Variants in LMO7 observed in about 807,000 individuals in gnomAD.
The protein encoded by LMO7 is LIM domain 7.
A neutral mutation model predicts 206.5 loss-of-function variants in LMO7; 120 were observed. The ratio of observed to expected loss-of-function variants is 0.58; its 90% CI spans 0.50 to 0.68. LMO7 has a LOEUF of 0.68. LMO7 is among the 30% of genes least tolerant of loss of function. LMO7 has a pLI of 0.00. For synonymous variants in LMO7, 706 were observed against 681.5 expected, an observed-to-expected ratio of 1.04 and a Z score of -0.56; for missense variants, 1,959 against 1,957.9, an observed-to-expected ratio of 1.00 and a Z score of -0.01.
chr13:75,752,751 CA>C (rs1486733395), intron 3 of LMO7, among the ~76,000 whole-genome samples: 2 of 152,148 alleles, frequency 1.3e-5, no homozygotes, highest in East Asian at 3.8e-4. Flanking sequence ...TGTATTAGTG[CA>C]AAAGACATGA....
At chr13:75,834,434 G>GC (rs1341760752) in intron 17 of LMO7, 47 bp downstream of exon 17, 1 of 1,415,326 alleles carries the variant, frequency 7.1e-7, no homozygotes, top group African/African-American at 1.5e-5. Flanking sequence ...CTGGGACCTG[G>GC]CCGTTGGCAA....
chr13:75,705,710 A>G (rs1361656577), intron 1 of LMO7, among the ~76,000 whole-genome samples: 4 of 152,256 alleles, frequency 2.6e-5, no homozygotes, highest in African/African-American at 9.6e-5. Context: ...TAGAACTACT[A>G]AACAGTTCTT....
chr13:75,750,498 T>G lies in LMO7; in HGVS notation c.211-10434T>G, dbSNP rs2047190049. ...TCAAACTCCTGAGCTCAAGCTGTACTCCCACTTCAGCCTCCCAAGTAGCTA... is the reference window on the plus strand; with the variant it reads ...TCAAACTCCTGAGCTCAAGCTGTACGCCCACTTCAGCCTCCCAAGTAGCTA... On this transcript the variant is annotated intron_variant, in intron 3 of 30. Transcript: ENST00000377534. Among the ~76,000 whole-genome samples, 5 of 149,952 alleles carry G rather than the reference T, an allele frequency of 3.3e-5. No homozygotes were observed. The Admixed American group carries it at 3.4e-4, about 10-fold the overall frequency.
chr13:75,804,437 C>G lies in LMO7; in HGVS notation c.810C>G (p.Ser270=). 4 of 1,614,136 alleles carry G rather than the reference C, an allele frequency of 2.5e-6. No individual in the cohort carries two copies. Among genetic ancestry groups the G allele is most frequent in the Non-Finnish European group, 3.4e-6 (4 of 1,180,002 alleles). Residue 270 remains serine, a synonymous_variant, in exon 8 of 31, where the codon TCC becomes TCG. Transcript: ENST00000377534. ...RFLPNKSRQP[S]YVPAPLRKKK... is the part of the protein sequence containing the mutation. ...TACCCAACAAAAGTAGACAGCCATC[C>G]TATGTACCAGCACCTCTGAGAAAGA...
chr13:75,786,357 C>G (rs1566457333), intron 4 of LMO7, among the ~76,000 whole-genome samples: 1 of 151,600 alleles, frequency 6.6e-6, no homozygotes. Context: ...TGGACCACTT[C>G]TCTCTCTACT....
At chr13:75,674,981 G>A (rs1295514046) in intron 1 of LMO7, among the ~76,000 whole-genome samples, 5 of 152,060 alleles carry the variant, frequency 3.3e-5, no homozygotes, top group South Asian at 2.1e-4. Context: ...ATATTGTTTC[G>A]GAGTCAGTTT....
At chr13:75,838,343 C>T in intron 20 of LMO7, 147 bp downstream of exon 20, 1 of 1,519,974 alleles carries the variant, frequency 6.6e-7, no homozygotes, top group Non-Finnish European at 8.8e-7. Flanking sequence ...CATTCTTTCC[C>T]TAGGGTCATC....
intron 4 of LMO7, among the ~76,000 whole-genome samples, chr13:75,775,486 T>C (rs568794566): frequency 5.9e-5 from 9 of 152,136 alleles, no homozygotes; most frequent in Admixed American, 5.2e-4. Context: ...ACTAAAAAGC[T>C]TCTGCAAAGC....
At chr13:75,763,037 A>T (rs180674487) in intron 4 of LMO7, among the ~76,000 whole-genome samples, 3 of 152,202 alleles carry the variant, frequency 2.0e-5, no homozygotes, top group South Asian at 2.1e-4. Flanking sequence ...TTAGCTTTTT[A>T]AAAATATATA....
At chr13:75,719,666 T>C (rs916463089) in intron 2 of LMO7, among the ~76,000 whole-genome samples, 47 of 152,336 alleles carry the variant, frequency 3.1e-4, no homozygotes, top group African/African-American at 1.1e-3. Flanking sequence ...TCTGCCACGA[T>C]TGTAAATTTC....
At chr13:75,855,449 A>T (rs1396930800) in intron 29 of LMO7, 81 bp downstream of exon 29, 52 of 769,206 alleles carry the variant, frequency 6.8e-5, no homozygotes, top group Non-Finnish European at 1.1e-4. Flanking sequence ...CTGGGTGTAG[A>T]TGTGCCACTA....
intron 3 of LMO7, among the ~76,000 whole-genome samples, chr13:75,748,530 C>T (rs1447456400): frequency 2.0e-5 from 3 of 152,094 alleles, no homozygotes; most frequent in Non-Finnish European, 4.4e-5. Context: ...CGTAAGAACT[C>T]AGTAAATATT....
intron 4 of LMO7, among the ~76,000 whole-genome samples, chr13:75,765,258 T>C (rs569865434): frequency 9.9e-5 from 15 of 152,212 alleles, no homozygotes; most frequent in African/African-American, 3.6e-4. Flanking sequence ...ATAAGTAAAA[T>C]ATACCTAGTT....
At position 75,841,501 on chromosome 13, in the gene LMO7, A is replaced by C. The variant is rs528591087; in HGVS notation, c.3676-127A>C. 1.9e-5 allele frequency: 13 copies of C among 684,998 alleles called. No individual in the cohort carries two copies. In the African/African-American group the frequency reaches 2.0e-4, roughly 10 times the overall value. The allele number at this position is 684,998 out of a possible 1,614,324, so 42.4% of individuals were successfully genotyped here. A position where few individuals can be genotyped will look rare whatever the true frequency, so the allele number is the denominator to read the frequency against. ...TTCTTTAGTGGTAAAAACTCTTAAC[A>C]TGTTTTTTGAGTGGAGTCCTGGGCC... On this transcript the variant is annotated intron_variant, in intron 23 of 30. Coordinates refer to ENST00000377534, the MANE Select transcript of LMO7 (RefSeq NM_001306080.2).
intron 1 of LMO7, among the ~76,000 whole-genome samples, chr13:75,648,967 G>A (rs2037303341): frequency 6.6e-6 from 1 of 152,130 alleles, no homozygotes; most frequent in Non-Finnish European, 1.5e-5. Flanking sequence ...AAAAGCATTT[G>A]GGAACTATTA....
At chr13:75,699,376 T>G (rs1487371385) in intron 1 of LMO7, among the ~76,000 whole-genome samples, 3 of 151,582 alleles carry the variant, frequency 2.0e-5, no homozygotes, top group Non-Finnish European at 4.4e-5. Context: ...AATTTCTTTC[T>G]CTTTCTTTAC....
intron 18 of LMO7, 21 bp downstream of exon 18, chr13:75,835,360 G>T (rs1408671986): frequency 1.3e-6 from 2 of 1,522,748 alleles, no homozygotes; most frequent in South Asian, 1.2e-5. Context: ...GGAGAAGTAG[G>T]AAGTACTGGT....
At chr13:75,813,703 A>G (rs927486049) in intron 11 of LMO7, among the ~76,000 whole-genome samples, 1 of 152,236 alleles carries the variant, frequency 6.6e-6, no homozygotes, top group Non-Finnish European at 1.5e-5. Context: ...GGGGGCACCC[A>G]GGAGGAGGAT....
At position 75,636,594 on chromosome 13, in the gene LMO7, C is replaced by T. The variant is rs1593957630; in HGVS notation, c.-64C>T. 1.3e-6 allele frequency: 2 copies of T among 1,542,694 alleles called. No homozygotes were observed. Among genetic ancestry groups the T allele is most frequent in the Non-Finnish European group, 1.7e-6 (2 of 1,146,668 alleles). ...GCCCTCCCCGCCCGTGGGGCCCAGA[C>T]GCGCGGGGACAACCCCTCCCCTCCA... On this transcript the variant is annotated 5_prime_UTR_variant, in exon 1 of 31. In the 5' UTR this introduces an upstream ATG that the reference lacks. Transcript: ENST00000377534.
Sources: allele counts gnomAD v4.1 joint callset (sites outside exome capture counted in the v4.1 genomes callset), GRCh38; gene constraint gnomAD v4.1.1; transcripts MANE v1.5; gene names NCBI Gene and HGNC (gene_info 2026-07-23, HGNC 2026-07-21).